PLEKHA5: variants seen among roughly 807,000 people sequenced by gnomAD.
PLEKHA5 encodes pleckstrin homology domain-containing family A member 5.
Under a neutral mutation model 181.9 loss-of-function variants are expected in PLEKHA5, and 55 were observed. The ratio of observed to expected loss-of-function variants is 0.30; its 90% CI spans 0.24 to 0.38. The LOEUF is 0.38. Ranked by LOEUF, PLEKHA5 falls within the 10% of genes least tolerant of loss-of-function variation. PLEKHA5 has a pLI of 1.00. For synonymous variants in PLEKHA5, 535 were observed against 529.4 expected (o/e 1.01, Z -0.15); for missense variants, 1,432 against 1,549.5 (o/e 0.92, Z 1.27).
At chr12:19,305,722 T>A (rs2083136366) in intron 15 of PLEKHA5, among the ~76,000 whole-genome samples, 1 of 150,722 alleles carries the variant, frequency 6.6e-6, no homozygotes, top group Admixed American at 6.6e-5. Flanking sequence ...TAACTGGGCA[T>A]TGTGGCACAT....
intron 3 of PLEKHA5, among the ~76,000 whole-genome samples, chr12:19,231,827 C>G (rs1002270436): frequency 2.0e-5 from 3 of 151,734 alleles, no homozygotes; most frequent in African/African-American, 7.3e-5. Context: ...CATATATACT[C>G]TGACTGGAAA....
At chr12:19,353,728 G>A (rs1350531002) in intron 25 of PLEKHA5, among the ~76,000 whole-genome samples, 156 bp from the exon 26 acceptor site, 1 of 152,166 alleles carries the variant, frequency 6.6e-6, no homozygotes, top group African/African-American at 2.4e-5. Flanking sequence ...CAAAGTGCTG[G>A]GATTACAGGC....
chr12:19,200,289 C>A, intron 3 of PLEKHA5: 1 of 1,477,598 alleles, frequency 6.8e-7, no homozygotes, highest in Non-Finnish European at 9.1e-7. Flanking sequence ...AAAATTTAAA[C>A]ATTAAAACAA....
At chr12:19,283,243 CCTT>C in intron 11 of PLEKHA5, 34 bp from the exon 12 acceptor site, 3 of 1,329,458 alleles carry the variant, frequency 2.3e-6, no homozygotes, top group Non-Finnish European at 3.1e-6. Context: ...AAATAACCCT[CCTT>C]CATGTTTACA....
chr12:19,366,183 A>G (rs771883009), intron 30 of PLEKHA5, 74 bp downstream of exon 30: 77 of 1,272,488 alleles, frequency 6.1e-5, no homozygotes, highest in African/African-American at 3.2e-4. Context: ...CCATGGGGAG[A>G]TTCTAAGAAG....
intron 15 of PLEKHA5, among the ~76,000 whole-genome samples, chr12:19,312,389 A>G (rs2086870547): frequency 6.6e-6 from 1 of 152,210 alleles, no homozygotes; most frequent in Non-Finnish European, 1.5e-5. Context: ...TGATTCCCAT[A>G]CAAGGCTATT....
intron 3 of PLEKHA5, among the ~76,000 whole-genome samples, chr12:19,238,636 G>A (rs537542919): frequency 6.6e-6 from 1 of 151,884 alleles, no homozygotes; most frequent in African/African-American, 2.4e-5. Flanking sequence ...AAACTTAATC[G>A]GTAAGTTACT....
Position 19,237,442 on chromosome 12 carries a change from A to G in PLEKHA5, c.228-16498A>G, listed in dbSNP as rs1463658972. ...TTGATTTGCCCCTAGACCTCCAAAG[A>G]TAATTAGATGAATAATTCCTCAGAT... is the stretch of plus-strand genomic sequence containing the variant. On this transcript the variant is annotated intron_variant, in intron 3 of 31. Coordinates refer to ENST00000429027, the MANE Select transcript of PLEKHA5 (RefSeq NM_001256470.2). Among the ~76,000 whole-genome samples the G allele has an allele frequency of 2.0e-5, 3 of 152,220 alleles. No homozygotes were observed. The East Asian group carries it at 5.8e-4, about 29-fold the overall frequency.
At chr12:19,282,843 T>A (rs898210405) in intron 11 of PLEKHA5, among the ~76,000 whole-genome samples, 18 of 152,168 alleles carry the variant, frequency 1.2e-4, no homozygotes, top group Non-Finnish European at 2.4e-4. Context: ...TCGAATTTCA[T>A]TAAAAAGATT....
At chr12:19,262,220 G>T (rs1223302857) in intron 7 of PLEKHA5, among the ~76,000 whole-genome samples, 1 of 151,844 alleles carries the variant, frequency 6.6e-6, no homozygotes, top group Non-Finnish European at 1.5e-5. Flanking sequence ...TCTAATACAA[G>T]AATTTGTTGG....
At chr12:19,357,349 A>G (rs1298699550) in intron 26 of PLEKHA5, among the ~76,000 whole-genome samples, 1 of 150,318 alleles carries the variant, frequency 6.7e-6, no homozygotes, top group East Asian at 2.0e-4. Context: ...GGTTCAAGCA[A>G]TTCTCCCACC....
intron 8 of PLEKHA5, among the ~76,000 whole-genome samples, chr12:19,266,936 T>G (rs369914078): frequency 6.6e-6 from 1 of 152,160 alleles, no homozygotes; most frequent in Non-Finnish European, 1.5e-5. Flanking sequence ...TCGGGTACTT[T>G]ACAGAGAACA....
At chr12:19,350,409 T>A (rs2094535045) in intron 25 of PLEKHA5, among the ~76,000 whole-genome samples, 1 of 152,204 alleles carries the variant, frequency 6.6e-6, no homozygotes. Flanking sequence ...AAATAAGTGC[T>A]TATCATAACC....
At chr12:19,171,710 A>G (rs958976626) in intron 3 of PLEKHA5, among the ~76,000 whole-genome samples, 1 of 152,224 alleles carries the variant, frequency 6.6e-6, no homozygotes, top group Non-Finnish European at 1.5e-5. Flanking sequence ...TGACTCTTGT[A>G]ATAACAATTA....
chr12:19,207,624 G>T (rs1052909324), intron 3 of PLEKHA5: 5 of 152,130 alleles, frequency 3.3e-5, no homozygotes, highest in African/African-American at 1.2e-4. Flanking sequence ...GACCATAAAG[G>T]ATTGTTCATA....
intron 12 of PLEKHA5, among the ~76,000 whole-genome samples, chr12:19,284,218 G>C (rs564732522): frequency 6.6e-6 from 1 of 151,996 alleles, no homozygotes; most frequent in African/African-American, 2.4e-5. Context: ...ACAGACATGC[G>C]CCACCACACC....
chr12:19,283,289 T>G lies in PLEKHA5; in HGVS notation c.1323T>G (p.Ser441=), dbSNP rs769115148. ...GHEEETRGVI[S]YQTLPRNMPS... ...TATTTTTTTATTTTAGAGTAATTTC[T>G]TACCAAACATTACCAAGAAATATGC... is the stretch of plus-strand genomic sequence containing the variant. The change falls in exon 12 of 32, where the codon TCT becomes TCG. Residue 441 remains serine (S), a synonymous_variant. Transcript: ENST00000429027. 1 of 1,595,310 alleles carries G rather than the reference T, an allele frequency of 6.3e-7. No individual in the cohort carries two copies. The highest frequency in any genetic ancestry group is 1.4e-5 in the African/African-American group (1 of 73,944).
At chr12:19,255,870 A>G (rs1159660550) in intron 5 of PLEKHA5, among the ~76,000 whole-genome samples, 1 of 150,994 alleles carries the variant, frequency 6.6e-6, no homozygotes, top group Non-Finnish European at 1.5e-5. Flanking sequence ...TAAGAAAAAA[A>G]CAATGGAAGA....
intron 3 of PLEKHA5, among the ~76,000 whole-genome samples, chr12:19,243,672 G>C (rs1330323258): frequency 6.6e-6 from 1 of 152,162 alleles, no homozygotes; most frequent in African/African-American, 2.4e-5. Flanking sequence ...ATTGAGGTTT[G>C]AGCAGGATGT....
Sources: gnomAD v4.1 joint callset for allele counts (sites outside exome capture counted in the v4.1 genomes callset) on GRCh38, gnomAD v4.1.1 for gene constraint, MANE v1.5 for transcripts, NCBI Gene and HGNC (gene_info 2026-07-23, HGNC 2026-07-21) for gene names.